RBFOX1: variants seen among roughly 807,000 people sequenced by gnomAD.
RBFOX1 encodes the protein RNA binding protein fox-1 homolog 1.
In RBFOX1, 8 loss-of-function variants were observed where a neutral mutation model predicts 57.7. The ratio of observed to expected loss-of-function variants is 0.14; its 90% CI spans 0.08 to 0.25. The LOEUF (loss-of-function observed/expected upper bound fraction) is 0.25. Ranked by LOEUF, RBFOX1 falls within the 10% of genes least tolerant of loss-of-function variation. The pLI is 1.00. For missense variants in RBFOX1, 611 were observed against 548.5 expected (o/e 1.11, Z -1.14); for synonymous variants, 326 against 222.4 (o/e 1.47, Z -4.15).
chr16:6,659,344 G>C (rs17140856), intron 3 of RBFOX1, among the ~76,000 whole-genome samples: 5,579 of 152,156 alleles, frequency 0.037, 259 homozygotes, highest in East Asian at 0.1. Context: ...AGTTTGAGTG[G>C]TTTTCCAAGT....
chr16:6,826,870 T>A (rs2092214675), intron 3 of RBFOX1, among the ~76,000 whole-genome samples: 1 of 152,340 alleles, frequency 6.6e-6, no homozygotes. Flanking sequence ...TGGATGTGTT[T>A]CCGTATGATG....
intron 3 of RBFOX1, among the ~76,000 whole-genome samples, chr16:6,781,913 T>G (rs1179880545): frequency 6.6e-6 from 1 of 152,198 alleles, no homozygotes; most frequent in Non-Finnish European, 1.5e-5. Context: ...GCTCTGATCT[T>G]TAGTGTTTCT....
intron 2 of RBFOX1, among the ~76,000 whole-genome samples, chr16:6,642,148 G>C (rs1449910681): frequency 6.6e-6 from 1 of 152,136 alleles, no homozygotes; most frequent in Non-Finnish European, 1.5e-5. Context: ...ACTGACAGAA[G>C]GCAGGCGACA....
intron 1 of RBFOX1, among the ~76,000 whole-genome samples, chr16:5,426,450 C>G (rs1262814963): frequency 6.6e-6 from 1 of 152,200 alleles, no homozygotes; most frequent in African/African-American, 2.4e-5. Context: ...TTGCAGCCAC[C>G]GCCAGGGTGT....
At chr16:7,607,012 A>G (rs2095308774) in intron 9 of RBFOX1, among the ~76,000 whole-genome samples, 1 of 152,186 alleles carries the variant, frequency 6.6e-6, no homozygotes, top group Non-Finnish European at 1.5e-5. Flanking sequence ...TGGAGTAGAA[A>G]ATTAATTACC....
intron 2 of RBFOX1, among the ~76,000 whole-genome samples, chr16:5,578,639 C>G (rs2046550361): frequency 6.6e-6 from 1 of 152,066 alleles, no homozygotes; most frequent in African/African-American, 2.4e-5. Flanking sequence ...TAATTTAGCG[C>G]CAACAGCTGT....
intron 1 of RBFOX1, among the ~76,000 whole-genome samples, chr16:5,272,515 A>G (rs2063038526): frequency 6.6e-6 from 1 of 152,162 alleles, no homozygotes; most frequent in Admixed American, 6.5e-5. Flanking sequence ...GGGATTCAAT[A>G]TCTCAGAATC....
intron 2 of RBFOX1, among the ~76,000 whole-genome samples, chr16:5,543,779 C>A (rs1024453625): frequency 1.3e-5 from 2 of 151,968 alleles, no homozygotes; most frequent in Admixed American, 1.3e-4. Flanking sequence ...TTAAAAGCAT[C>A]CAGAGGGAAA....
intron 4 of RBFOX1, among the ~76,000 whole-genome samples, chr16:7,070,907 G>C (rs1307746361): frequency 1.3e-5 from 2 of 152,154 alleles, no homozygotes; most frequent in East Asian, 3.9e-4. Flanking sequence ...GGTAGGTGAA[G>C]GGTTCATGAG....
chr16:6,139,968 C>G (rs920776272), intron 1 of RBFOX1, among the ~76,000 whole-genome samples: 2 of 152,212 alleles, frequency 1.3e-5, no homozygotes, highest in Non-Finnish European at 2.9e-5. Context: ...GAGGAAGGAA[C>G]TGCTCCTCTC....
intron 3 of RBFOX1, among the ~76,000 whole-genome samples, chr16:5,739,711 C>G (rs1026090680): frequency 6.6e-6 from 1 of 152,268 alleles, no homozygotes; most frequent in Admixed American, 6.5e-5. Context: ...AACAGAAAGG[C>G]CCTTGGGGCT....
At chr16:6,228,430 C>G (rs77444644) in intron 1 of RBFOX1, among the ~76,000 whole-genome samples, 3 of 724 alleles carry the variant, frequency 4.1e-3, no homozygotes, top group South Asian at 0.33. Context: ...CACACACAGA[C>G]ACACACACAC....
chr16:7,535,718 A>G lies in RBFOX1; in HGVS notation c.270+17329A>G, dbSNP rs554959285. The stretch of plus-strand genomic sequence containing the variant: ...AATACTTACTGAACTCCTACTATGT[A>G]TCACACATACATTAATCTACTAAAT... On this transcript the variant is annotated intron_variant, in intron 5 of 15. Transcript: ENST00000550418. Among the ~76,000 whole-genome samples, 5 of 152,338 alleles carry G rather than the reference A, an allele frequency of 3.3e-5. No individual in the cohort carries two copies. In the South Asian group the frequency reaches 1.0e-3, roughly 32 times the overall value.
intron 1 of RBFOX1, among the ~76,000 whole-genome samples, chr16:5,335,892 T>A (rs1205102329): frequency 6.6e-6 from 1 of 152,122 alleles, no homozygotes; most frequent in East Asian, 1.9e-4. Context: ...TGATGGTAAT[T>A]ATACCTGCCA....
intron 2 of RBFOX1, among the ~76,000 whole-genome samples, chr16:6,608,497 A>T (rs1282144118): frequency 6.6e-6 from 1 of 152,204 alleles, no homozygotes; most frequent in Non-Finnish European, 1.5e-5. Flanking sequence ...GACTTAAAAC[A>T]ACAGAAATTG....
At chr16:7,398,492 G>A (rs2098179873) in intron 4 of RBFOX1, among the ~76,000 whole-genome samples, 1 of 152,242 alleles carries the variant, frequency 6.6e-6, no homozygotes, top group Non-Finnish European at 1.5e-5. Flanking sequence ...GGCATCAGTG[G>A]TTGAATTATC....
At chr16:7,436,552 G>C (rs879945151) in intron 4 of RBFOX1, among the ~76,000 whole-genome samples, 1 of 152,220 alleles carries the variant, frequency 6.6e-6, no homozygotes, top group Non-Finnish European at 1.5e-5. Context: ...GCAGGCATAA[G>C]TAGTCCCATT....
At chr16:5,378,500 G>C (rs9923382) in intron 1 of RBFOX1, among the ~76,000 whole-genome samples, 2 of 151,302 alleles carry the variant, frequency 1.3e-5, no homozygotes, top group East Asian at 3.9e-4. Flanking sequence ...TTAAGCGTCA[G>C]TATTAACTAT....
intron 3 of RBFOX1, among the ~76,000 whole-genome samples, chr16:7,031,643 A>G (rs2042824295): frequency 6.6e-6 from 1 of 152,162 alleles, no homozygotes; most frequent in African/African-American, 2.4e-5. Flanking sequence ...TGTCAACGAC[A>G]TCGGGCAGAT....
Sources: allele counts gnomAD v4.1 joint callset (sites outside exome capture counted in the v4.1 genomes callset), GRCh38; gene constraint gnomAD v4.1.1; transcripts MANE v1.5; gene names NCBI Gene and HGNC (gene_info 2026-07-23, HGNC 2026-07-21).